PKIA: variants seen among roughly 807,000 people sequenced by gnomAD.
PKIA encodes the protein cAMP-dependent protein kinase inhibitor alpha, also known as PKI-alpha.
Under a neutral mutation model 7.6 loss-of-function variants are expected in PKIA, and 4 were observed. That is an observed-to-expected ratio of 0.52 (90% CI 0.26 to 1.20). The LOEUF is 1.20. Among genes scored for constraint, PKIA ranks in the 50% most tolerant of loss-of-function variants. The probability of loss-of-function intolerance (pLI) is 0.13; values close to 1 mark genes in which losing one functional copy is unlikely to be tolerated. For synonymous variants in PKIA, 21 were observed against 30.7 expected (o/e 0.68, Z 1.04); for missense variants, 73 against 86.2 (o/e 0.85, Z 0.61).
In PKIA at chr8:78,572,395, G is replaced by A. The variant is rs112839527; in HGVS notation, c.-156-416G>A. 4.9e-3 allele frequency among the ~76,000 whole-genome samples: 750 copies of A among 151,980 alleles called. 9 individuals carry two copies. Among genetic ancestry groups the A allele is most frequent in the African/African-American group, 0.015 (634 of 41,454 alleles). ...TTAATTTTTTGAAGATCTAAGTGAA[G>A]ATAGAAGAGAAATCTAGATGAAGAC... On this transcript the variant is annotated intron_variant, in intron 1 of 3. Coordinates refer to ENST00000396418, the MANE Select transcript of PKIA (RefSeq NM_006823.4).
At chr8:78,601,698 C>T in intron 3 of PKIA, 44 bp from the exon 4 acceptor site, 1 of 1,409,974 alleles carries the variant, frequency 7.1e-7, no homozygotes, top group Non-Finnish European at 1.0e-6. Context: ...TAAAAGCAAT[C>T]ATTTTTATTT....
At chr8:78,582,198 G>A (rs1170721015) in intron 2 of PKIA, among the ~76,000 whole-genome samples, 1 of 148,852 alleles carries the variant, frequency 6.7e-6, no homozygotes, top group African/African-American at 2.5e-5. Context: ...TGAGGCTTTG[G>A]GATTTTTTTT....
intron 1 of PKIA, among the ~76,000 whole-genome samples, chr8:78,561,272 C>T: frequency 6.6e-6 from 1 of 152,134 alleles, no homozygotes; most frequent in Middle Eastern, 3.2e-3. Flanking sequence ...TAACACTCTA[C>T]ATATACCAGG....
intron 1 of PKIA, among the ~76,000 whole-genome samples, chr8:78,553,655 G>T (rs538798747): frequency 6.6e-6 from 1 of 151,628 alleles, no homozygotes; most frequent in South Asian, 2.1e-4. Context: ...TTTGGTCCCT[G>T]AAAGCTGAAA....
intron 2 of PKIA, among the ~76,000 whole-genome samples, chr8:78,575,553 C>T (rs1391492213): frequency 6.6e-6 from 1 of 151,846 alleles, no homozygotes; most frequent in Non-Finnish European, 1.5e-5. Context: ...TGTTTTGGAT[C>T]TATTCTTAAC....
chr8:78,552,210 TA>T, intron 1 of PKIA, among the ~76,000 whole-genome samples: 1 of 151,990 alleles, frequency 6.6e-6, no homozygotes, highest in East Asian at 1.9e-4. Flanking sequence ...AAACTTTTTC[TA>T]AAGAATTTGT....
At chr8:78,581,831 A>G (rs972609920) in intron 2 of PKIA, among the ~76,000 whole-genome samples, 8 of 152,122 alleles carry the variant, frequency 5.3e-5, no homozygotes, top group Non-Finnish European at 1.2e-4. Context: ...ATTAGACAGT[A>G]CTATAGTAAT....
intron 2 of PKIA, among the ~76,000 whole-genome samples, chr8:78,578,818 C>G (rs1807737747): frequency 6.6e-6 from 1 of 151,942 alleles, no homozygotes; most frequent in African/African-American, 2.4e-5. Flanking sequence ...GAGTTTTATT[C>G]TAGTCCCATT....
At chr8:78,540,132 A>G (rs1291993892) in intron 1 of PKIA, among the ~76,000 whole-genome samples, 1 of 151,794 alleles carries the variant, frequency 6.6e-6, no homozygotes, top group East Asian at 1.9e-4. Context: ...ATGCATGGAG[A>G]GAATGAATAA....
At chr8:78,589,793 A>C (rs1318525274) in intron 2 of PKIA, among the ~76,000 whole-genome samples, 2 of 143,482 alleles carry the variant, frequency 1.4e-5, no homozygotes, top group African/African-American at 2.9e-5. Flanking sequence ...TTGAGTACAC[A>C]TGTTTTTAAT....
intron 2 of PKIA, among the ~76,000 whole-genome samples, chr8:78,581,810 G>A (rs770738951): frequency 5.3e-5 from 8 of 152,070 alleles, no homozygotes; most frequent in African/African-American, 2.4e-5. Context: ...AAAACTTGAA[G>A]AAGTCTGAGG....
At chr8:78,571,953 A>G (rs1807560003) in intron 1 of PKIA, among the ~76,000 whole-genome samples, 1 of 152,110 alleles carries the variant, frequency 6.6e-6, no homozygotes, top group Non-Finnish European at 1.5e-5. Flanking sequence ...GAGAATGGCC[A>G]ATAAGTGGAG....
chr8:78,578,428 T>A (rs1021401558), intron 2 of PKIA, among the ~76,000 whole-genome samples: 5 of 152,028 alleles, frequency 3.3e-5, no homozygotes, highest in Non-Finnish European at 7.4e-5. Context: ...TGTACTTGTA[T>A]CTTAAATGAA....
At chr8:78,578,156 T>G (rs1009714081) in intron 2 of PKIA, among the ~76,000 whole-genome samples, 1 of 152,020 alleles carries the variant, frequency 6.6e-6, no homozygotes, top group Admixed American at 6.6e-5. Flanking sequence ...TGAGTCTTAG[T>G]CTTCACCCAT....
intron 1 of PKIA, chr8:78,556,702 A>G (rs1807147433): frequency 6.6e-6 from 1 of 152,108 alleles, no homozygotes; most frequent in Non-Finnish European, 1.5e-5. Context: ...TGAGTTTTAC[A>G]TTTCTCATGG....
chr8:78,586,051 C>G (rs933866731), intron 2 of PKIA, among the ~76,000 whole-genome samples: 1 of 152,108 alleles, frequency 6.6e-6, no homozygotes, highest in Non-Finnish European at 1.5e-5. Flanking sequence ...TAATATCTGA[C>G]TCTCCTATTT....
At position 78,598,471 on chromosome 8, in the gene PKIA, C is replaced by T; in HGVS notation, c.87C>T (p.Ser29=). The T allele has an allele frequency of 6.2e-7, 1 of 1,611,512 alleles. No homozygotes were observed. Among genetic ancestry groups the T allele is most frequent in the Non-Finnish European group, 8.5e-7 (1 of 1,178,340 alleles). ...ATGCAATACATGATATCCTGGTTTCCTCTGCAAGTGGCAACAGCAATGAAT... is the reference window on the plus strand; with the variant it reads ...ATGCAATACATGATATCCTGGTTTCTTCTGCAAGTGGCAACAGCAATGAAT... ...RRNAIHDILV[S]SASGNSNELA... is the part of the protein sequence containing the mutation. Residue 29 remains serine (S), a synonymous_variant, in exon 3 of 4, where the codon TCC becomes TCT. Transcript: ENST00000396418.
Position 78,548,354 on chromosome 8 carries a change from A to G in PKIA, c.-156-24457A>G, listed in dbSNP as rs116910113. On this transcript the variant is annotated intron_variant, in intron 1 of 3. Coordinates refer to ENST00000396418, the MANE Select transcript of PKIA (RefSeq NM_006823.4). ...TAAATTGTGTTCTTAACCATATGTT[A>G]ATTAAATAAACTCAATGTAAAGACC... Among the ~76,000 whole-genome samples, 93 of 152,276 alleles carry G rather than the reference A, an allele frequency of 6.1e-4. 1 individual carries two copies. The East Asian group carries it at 0.015, about 25-fold the overall frequency.
At chr8:78,552,483 TAGAC>T (rs577339255) in intron 1 of PKIA, among the ~76,000 whole-genome samples, 2 of 151,958 alleles carry the variant, frequency 1.3e-5, no homozygotes, top group Non-Finnish European at 2.9e-5. Context: ...TATAGCCTCT[TAGAC>T]AGAAGTATCA....
Sources: allele counts gnomAD v4.1 joint callset (sites outside exome capture counted in the v4.1 genomes callset), GRCh38; gene constraint gnomAD v4.1.1; transcripts MANE v1.5; gene names NCBI Gene and HGNC (gene_info 2026-07-23, HGNC 2026-07-21).